Variants in SPOCK3 observed in about 807,000 individuals in gnomAD.
SPOCK3 encodes testican-3.
A neutral mutation model predicts 56.6 loss-of-function variants in SPOCK3; 30 were observed. The ratio of observed to expected loss-of-function variants is 0.53; its 90% confidence interval spans 0.40 to 0.72. The LOEUF is 0.72. Ranked by LOEUF, SPOCK3 falls within the 30% of genes least tolerant of loss-of-function variation. The pLI, the probability that SPOCK3 is intolerant of heterozygous loss-of-function variation, is 0.00. For synonymous variants in SPOCK3, 196 were observed against 183.3 expected (o/e 1.07, Z -0.56); for missense variants, 527 against 530.0 (o/e 0.99, Z 0.06).
At chr4:166,797,644 C>T (rs186393335) in intron 6 of SPOCK3, among the ~76,000 whole-genome samples, 1 of 151,980 alleles carries the variant, frequency 6.6e-6, no homozygotes, top group East Asian at 1.9e-4. Flanking sequence ...TTTTTTATAA[C>T]AGTATTAAAA....
intron 4 of SPOCK3, among the ~76,000 whole-genome samples, chr4:166,927,658 C>T (rs1423869295): frequency 1.3e-5 from 2 of 151,996 alleles, no homozygotes; most frequent in African/African-American, 2.4e-5. Context: ...TCTACATCAC[C>T]TCGGTTTTGG....
chr4:166,747,604 T>C (rs2126447032), intron 8 of SPOCK3, among the ~76,000 whole-genome samples: 1 of 152,272 alleles, frequency 6.6e-6, no homozygotes, highest in East Asian at 1.9e-4. Context: ...TCACTACTCC[T>C]ATTCAATATA....
intron 7 of SPOCK3, among the ~76,000 whole-genome samples, chr4:166,764,090 C>G (rs1737619112): frequency 6.6e-6 from 1 of 152,056 alleles, no homozygotes; most frequent in African/African-American, 2.4e-5. Flanking sequence ...ACCTAGCCAC[C>G]ATCCATACTT....
chr4:166,764,216 G>C (rs769407674), intron 7 of SPOCK3, among the ~76,000 whole-genome samples: 13 of 151,776 alleles, frequency 8.6e-5, no homozygotes, highest in Non-Finnish European at 1.6e-4. Flanking sequence ...TATACTTTAA[G>C]TTCTAGGGTA....
intron 6 of SPOCK3, among the ~76,000 whole-genome samples, chr4:166,819,681 A>G (rs1363321073): frequency 6.6e-6 from 1 of 152,060 alleles, no homozygotes; most frequent in African/African-American, 2.4e-5. Flanking sequence ...CTGAAACTAC[A>G]AAAGTTGCTG....
chr4:166,902,454 C>T (rs1319756012), intron 5 of SPOCK3, among the ~76,000 whole-genome samples: 1 of 151,996 alleles, frequency 6.6e-6, no homozygotes, highest in Non-Finnish European at 1.5e-5. Flanking sequence ...AATATTTTCT[C>T]TGTGTTATTA....
At chr4:166,737,629 C>A (rs770682298) in intron 9 of SPOCK3, 25 bp from the exon 10 acceptor site, 18 of 1,592,808 alleles carry the variant, frequency 1.1e-5, no homozygotes, top group South Asian at 3.4e-5. Context: ...CACAGGCATA[C>A]AAACACACAC....
In SPOCK3 at chr4:167,087,919, TA is replaced by T. The variant is rs1181276162; in HGVS notation, c.190-25383del. Among the ~76,000 whole-genome samples the T allele has an allele frequency of 8.5e-5, 13 of 152,220 alleles. No individual in the cohort carries two copies. In the East Asian group the frequency reaches 2.5e-3, roughly 29 times the overall value. On this transcript the variant is annotated intron_variant, in intron 2 of 10. Coordinates refer to ENST00000357545, the MANE Select transcript of SPOCK3 (RefSeq NM_001040159.2). ...CAATGATGTAGGTATAGATTTTTTT[TA>T]GCTGTTGTTTTTATGGAACCAGAAA...
chr4:166,865,162 C>T (rs1012712700), intron 6 of SPOCK3, among the ~76,000 whole-genome samples: 1 of 152,156 alleles, frequency 6.6e-6, no homozygotes, highest in African/African-American at 2.4e-5. Flanking sequence ...ATCACATAAA[C>T]AGAACCAATG....
intron 6 of SPOCK3, among the ~76,000 whole-genome samples, chr4:166,847,529 G>A (rs1218263963): frequency 6.6e-6 from 1 of 151,216 alleles, no homozygotes; most frequent in Non-Finnish European, 1.5e-5. Flanking sequence ...GGTATGAGCA[G>A]CACTGGAGAT....
At chr4:167,187,285 TC>T (rs1395507049) in intron 2 of SPOCK3, among the ~76,000 whole-genome samples, 2 of 151,292 alleles carry the variant, frequency 1.3e-5, no homozygotes, top group Admixed American at 6.6e-5. Context: ...TTTTTTTTTT[TC>T]CACTCTCAAT....
At chr4:167,206,718 T>G (rs892948266) in intron 2 of SPOCK3, among the ~76,000 whole-genome samples, 1 of 150,074 alleles carries the variant, frequency 6.7e-6, no homozygotes, top group African/African-American at 2.4e-5. Context: ...AGATACCAAT[T>G]TTTTTTTCTT....
rs899264489 is a variant in SPOCK3 at position 166,948,477 on chromosome 4, C to T, written c.351-35734G>A. 2.0e-5 allele frequency among the ~76,000 whole-genome samples: 3 copies of T among 152,156 alleles called. No individual in the cohort carries two copies. The South Asian group carries it at 6.2e-4, about 32-fold the overall frequency. The stretch of plus-strand genomic sequence containing the variant: ...ATGGGAGTACTAATTTGTATTCCTA[C>T]CAACAGTGTGTTAGAGATCCCTTTT... On this transcript the variant is annotated intron_variant, in intron 4 of 10. Transcript: ENST00000357545.
chr4:167,135,611 A>C (rs1350405460), intron 2 of SPOCK3, among the ~76,000 whole-genome samples: 1 of 151,940 alleles, frequency 6.6e-6, no homozygotes, highest in African/African-American at 2.4e-5. Context: ...CAGATCAAAA[A>C]CCCAGAACAT....
At chr4:166,747,181 A>T (rs1296782286) in intron 8 of SPOCK3, among the ~76,000 whole-genome samples, 1 of 152,162 alleles carries the variant, frequency 6.6e-6, no homozygotes, top group Non-Finnish European at 1.5e-5. Flanking sequence ...GACACAGCAA[A>T]CAAAGAGAAT....
intron 6 of SPOCK3, among the ~76,000 whole-genome samples, chr4:166,881,990 T>C (rs28716663): frequency 0.077 from 11,755 of 152,220 alleles, 541 homozygotes; most frequent in Non-Finnish European, 0.1. Flanking sequence ...GTAGATCATA[T>C]TTTTTAAGAT....
rs533564813 is a variant in SPOCK3, at chr4:167,042,219, C to G, written c.235+20273G>C. Among the ~76,000 whole-genome samples, 3 of 152,226 alleles carry G rather than the reference C, an allele frequency of 2.0e-5. No homozygotes were observed. In the South Asian group the frequency reaches 6.2e-4, roughly 32 times the overall value. On this transcript the variant is annotated intron_variant, in intron 3 of 10. Coordinates refer to ENST00000357545, the MANE Select transcript of SPOCK3 (RefSeq NM_001040159.2). ...AAGTCCTTTAGTCAGGCCTCCTTAT[C>G]TATGAGTTTCGAATCAGGGGATTCA... is the stretch of plus-strand genomic sequence containing the variant.
At chr4:166,935,645 G>A (rs769400395) in intron 4 of SPOCK3, among the ~76,000 whole-genome samples, 2 of 152,106 alleles carry the variant, frequency 1.3e-5, no homozygotes, top group Admixed American at 6.6e-5. Context: ...AAGAAGAATC[G>A]TTATAGAGTT....
chr4:167,112,520 A>T (rs1760987399), intron 2 of SPOCK3, among the ~76,000 whole-genome samples: 1 of 152,096 alleles, frequency 6.6e-6, no homozygotes, highest in African/African-American at 2.4e-5. Flanking sequence ...AGGAAAACAT[A>T]GGGATTGAGG....
Sources: gnomAD v4.1 joint callset for allele counts (sites outside exome capture counted in the v4.1 genomes callset) on GRCh38, gnomAD v4.1.1 for gene constraint, MANE v1.5 for transcripts, NCBI Gene and HGNC (gene_info 2026-07-23, HGNC 2026-07-21) for gene names.